The following PRKAR2A variants were observed in gnomAD, a reference collection of about 807,000 sequenced individuals.
PRKAR2A encodes the protein cAMP-dependent protein kinase type II-alpha regulatory subunit.
Under a neutral mutation model 51.9 loss-of-function variants are expected in PRKAR2A, and 29 were observed. The ratio of observed to expected loss-of-function variants is 0.56; its 90% CI spans 0.42 to 0.76. PRKAR2A has a LOEUF of 0.76. Ranked by LOEUF, PRKAR2A falls within the 30% of genes least tolerant of loss-of-function variation. The probability of loss-of-function intolerance (pLI) is 0.00; values close to 1 mark genes in which losing one functional copy is unlikely to be tolerated. For synonymous variants in PRKAR2A, 178 were observed against 186.2 expected (o/e 0.96, Z 0.36); for missense variants, 445 against 512.1 (o/e 0.87, Z 1.26).
At chr3:48,767,901 G>A (rs2081964754) in intron 6 of PRKAR2A, among the ~76,000 whole-genome samples, 1 of 149,978 alleles carries the variant, frequency 6.7e-6, no homozygotes, top group Non-Finnish European at 1.5e-5. Context: ...TCTAGCCTGG[G>A]AGACAGAGCG....
intron 2 of PRKAR2A, among the ~76,000 whole-genome samples, chr3:48,802,377 T>C (rs1397140546): frequency 6.6e-6 from 1 of 151,450 alleles, no homozygotes; most frequent in African/African-American, 2.4e-5. Context: ...AGAATGTGAG[T>C]GAGCAAACAA....
At chr3:48,843,469 A>G (rs980711293) in intron 1 of PRKAR2A, among the ~76,000 whole-genome samples, 9 of 151,998 alleles carry the variant, frequency 5.9e-5, no homozygotes, top group Non-Finnish European at 1.0e-4. Context: ...TTTCTTCACA[A>G]AATTGGAAAA....
chr3:48,830,375 T>C (rs890805974), intron 1 of PRKAR2A, among the ~76,000 whole-genome samples: 1 of 152,196 alleles, frequency 6.6e-6, no homozygotes, highest in African/African-American at 2.4e-5. Flanking sequence ...AACTGTGAGC[T>C]GTCATCTCCT....
At chr3:48,829,357 A>T (rs1442477919) in intron 1 of PRKAR2A, among the ~76,000 whole-genome samples, 3 of 150,936 alleles carry the variant, frequency 2.0e-5, no homozygotes, top group Non-Finnish European at 4.4e-5. Context: ...TGTCTATACT[A>T]AAAATACAAA....
In PRKAR2A at chr3:48,807,704, C is replaced by T. The variant is rs768396931; in HGVS notation, c.263-20G>A. 9.4e-6 allele frequency: 15 copies of T among 1,598,136 alleles called. No individual in the cohort carries two copies. In the East Asian group the frequency reaches 3.1e-4, roughly 33 times the overall value. On this transcript the variant is annotated intron_variant, in intron 1 of 10. Coordinates refer to ENST00000265563, the MANE Select transcript of PRKAR2A (RefSeq NM_004157.4). The stretch of plus-strand genomic sequence containing the variant: ...CTGGAACTGCAAAATAAAGAAGCAA[C>T]ATTTAGTCATTATTATGTCACCAGG...
At chr3:48,761,525 G>A (rs1218437541) in intron 8 of PRKAR2A, among the ~76,000 whole-genome samples, 1 of 152,128 alleles carries the variant, frequency 6.6e-6, no homozygotes, top group African/African-American at 2.4e-5. Flanking sequence ...ATATCACTTA[G>A]ATGTTGAAAC....
intron 9 of PRKAR2A, 105 bp from the exon 10 acceptor site, chr3:48,752,422 G>A (rs1228601940): frequency 8.1e-7 from 1 of 1,232,384 alleles, no homozygotes; most frequent in Non-Finnish European, 1.1e-6. Flanking sequence ...CACAATTACT[G>A]AGGAATTCAC....
chr3:48,809,418 C>T (rs1159192040), intron 1 of PRKAR2A, among the ~76,000 whole-genome samples: 1 of 151,344 alleles, frequency 6.6e-6, no homozygotes, highest in Non-Finnish European at 1.5e-5. Context: ...TGGTGAAACC[C>T]TGTCTCTACT....
rs1165083706 is a variant in PRKAR2A, at chr3:48,825,057, A to G, written c.263-17373T>C. Among the ~76,000 whole-genome samples the G allele has an allele frequency of 2.4e-3, 275 of 116,870 alleles. 3 individuals are homozygous for G. Among genetic ancestry groups the G allele is most frequent in the African/African-American group, 8.5e-3 (257 of 30,366 alleles). 76.7% of individuals were successfully genotyped at this position (116,870 alleles called of 152,430 possible). On this transcript the variant is annotated intron_variant, in intron 1 of 10. Transcript: ENST00000265563. Reference sequence around the variant, plus strand: ...TTTTTTTTTTTTTTTTTTTGGAGACAGAGTTTCACTCTTGTTGCCCAGGCT... The same window carrying G: ...TTTTTTTTTTTTTTTTTTTGGAGACGGAGTTTCACTCTTGTTGCCCAGGCT...
intron 4 of PRKAR2A, 81 bp from the exon 5 acceptor site, chr3:48,783,173 G>T: frequency 2.2e-6 from 2 of 916,024 alleles, no homozygotes; most frequent in South Asian, 1.4e-5. Context: ...CTCAATTTGT[G>T]ACTATGTAAC....
intron 1 of PRKAR2A, among the ~76,000 whole-genome samples, chr3:48,832,805 G>C (rs2107444643): frequency 6.6e-6 from 1 of 152,154 alleles, no homozygotes; most frequent in South Asian, 2.1e-4. Context: ...CTTTTTACTT[G>C]AGTAGGAACC....
At position 48,790,084 on chromosome 3, in the gene PRKAR2A, G is replaced by A. The variant is rs904589061; in HGVS notation, c.435+460C>T. On this transcript the variant is annotated intron_variant, in intron 4 of 10. Transcript: ENST00000265563. ...CATTATTAAGTAAAATAAGGGTTACGTGAATATGAGTACTGCTATATGGTG... is the reference window on the plus strand; with the variant it reads ...CATTATTAAGTAAAATAAGGGTTACATGAATATGAGTACTGCTATATGGTG... 2.0e-5 allele frequency among the ~76,000 whole-genome samples: 3 copies of A among 152,086 alleles called. No homozygotes were observed. The South Asian group carries it at 6.2e-4, about 32-fold the overall frequency.
At position 48,768,306 on chromosome 3, in the gene PRKAR2A, T is replaced by TAGAC. The variant is rs1424648318; in HGVS notation, c.697-2958_697-2957insGTCT. 6.6e-4 allele frequency among the ~76,000 whole-genome samples: 97 copies of TAGAC among 146,232 alleles called. 1 individual carries two copies. The highest frequency in any genetic ancestry group is 7.0e-3 in the Middle Eastern group (2 of 284). On this transcript the variant is annotated intron_variant, in intron 6 of 10. Coordinates refer to ENST00000265563, the MANE Select transcript of PRKAR2A (RefSeq NM_004157.4). ...GAGACCGTCTCAAAAGATAGATAGA[T>TAGAC]AGATAGATAGATAGATAGATAGATA... is the stretch of plus-strand genomic sequence containing the variant.
intron 6 of PRKAR2A, 83 bp downstream of exon 6, chr3:48,772,872 G>C: frequency 2.2e-6 from 3 of 1,377,706 alleles, no homozygotes; most frequent in Non-Finnish European, 3.0e-6. Flanking sequence ...GTAAGATATA[G>C]TGTAAATCAA....
At chr3:48,783,901 T>C (rs1169107525) in intron 4 of PRKAR2A, among the ~76,000 whole-genome samples, 1 of 152,022 alleles carries the variant, frequency 6.6e-6, no homozygotes. Flanking sequence ...TCTTCATATG[T>C]AAAAAGGGTA....
At chr3:48,807,196 C>A (rs1334823282) in intron 2 of PRKAR2A, among the ~76,000 whole-genome samples, 1 of 152,032 alleles carries the variant, frequency 6.6e-6, no homozygotes, top group African/African-American at 2.4e-5. Context: ...GCCTTTCTCC[C>A]AGTAGCCTAA....
chr3:48,792,140 A>G (rs1426693731), intron 3 of PRKAR2A, among the ~76,000 whole-genome samples: 1 of 151,832 alleles, frequency 6.6e-6, no homozygotes, highest in Non-Finnish European at 1.5e-5. Flanking sequence ...ATAGATCACT[A>G]AAGTTTTGGT....
chr3:48,791,592 C>CA (rs35978535), intron 3 of PRKAR2A, among the ~76,000 whole-genome samples: 28,965 of 41,734 alleles, frequency 0.69, 9,823 homozygotes, highest in East Asian at 0.89. Flanking sequence ...GATTCCGTCT[C>CA]AAAAAAAAAA....
chr3:48,789,083 T>A (rs1171043261), intron 4 of PRKAR2A, among the ~76,000 whole-genome samples: 2 of 152,078 alleles, frequency 1.3e-5, no homozygotes, highest in Non-Finnish European at 2.9e-5. Context: ...GAAAAATCAA[T>A]CTCTTTGTAG....
Sources: allele counts gnomAD v4.1 joint callset (sites outside exome capture counted in the v4.1 genomes callset), GRCh38; gene constraint gnomAD v4.1.1; transcripts MANE v1.5; gene names NCBI Gene and HGNC (gene_info 2026-07-23, HGNC 2026-07-21).